Variants in PIAS1 observed in about 807,000 individuals in gnomAD.
The protein encoded by PIAS1 is E3 SUMO-protein ligase PIAS1.
A neutral mutation model predicts 71.3 loss-of-function variants in PIAS1; 6 were observed. The observed-to-expected ratio is 0.08, with a 90% CI of 0.05 to 0.17. The LOEUF (loss-of-function observed/expected upper bound fraction) is 0.17. Among genes scored for constraint, PIAS1 ranks in the 10% least tolerant of loss-of-function variants. PIAS1 has a pLI of 1.00. For synonymous variants in PIAS1, 303 were observed against 292.9 expected, an observed-to-expected ratio of 1.03 and a Z score of -0.35; for missense variants, 555 against 793.6, an observed-to-expected ratio of 0.70 and a Z score of 3.61.
chr15:68,064,560 T>TA (rs2091996023), intron 1 of PIAS1, among the ~76,000 whole-genome samples: 1 of 152,252 alleles, frequency 6.6e-6, no homozygotes, highest in Non-Finnish European at 1.5e-5. Flanking sequence ...TATTCATTGA[T>TA]ACGGTTTCAG....
intron 7 of PIAS1, among the ~76,000 whole-genome samples, chr15:68,157,767 C>G (rs771069428): frequency 6.6e-6 from 1 of 152,128 alleles, no homozygotes; most frequent in Non-Finnish European, 1.5e-5. Flanking sequence ...ACACCCACCC[C>G]AAAATACATG....
chr15:68,140,018 A>G (rs182177410), intron 2 of PIAS1, among the ~76,000 whole-genome samples: 120 of 152,292 alleles, frequency 7.9e-4, no homozygotes, highest in Non-Finnish European at 8.4e-4. Context: ...TGTAACAGCA[A>G]TTAAGCCCAA....
intron 2 of PIAS1, among the ~76,000 whole-genome samples, chr15:68,129,152 A>G (rs1370593663): frequency 6.6e-6 from 1 of 152,146 alleles, no homozygotes; most frequent in African/African-American, 2.4e-5. Context: ...ACCTCGAACT[A>G]CAGGGCTCAA....
chr15:68,100,685 G>T (rs916472327), intron 2 of PIAS1, among the ~76,000 whole-genome samples: 1 of 152,118 alleles, frequency 6.6e-6, no homozygotes, highest in African/African-American at 2.4e-5. Context: ...GTTATCAGTT[G>T]CTGGGCTGTA....
intron 2 of PIAS1, among the ~76,000 whole-genome samples, chr15:68,122,187 T>A (rs2092618912): frequency 6.6e-6 from 1 of 152,016 alleles, no homozygotes; most frequent in Admixed American, 6.6e-5. Flanking sequence ...CTTGGGCAAG[T>A]TGCTAGAAAA....
At chr15:68,155,764 C>G (rs1445984068) in intron 7 of PIAS1, among the ~76,000 whole-genome samples, 2 of 152,112 alleles carry the variant, frequency 1.3e-5, no homozygotes, top group Non-Finnish European at 2.9e-5. Context: ...GTAGAGTTGT[C>G]CCCTCACAAC....
intron 2 of PIAS1, among the ~76,000 whole-genome samples, chr15:68,118,995 C>T (rs2092589599): frequency 6.6e-6 from 1 of 151,786 alleles, no homozygotes; most frequent in Non-Finnish European, 1.5e-5. Context: ...ATCAAGAGAG[C>T]ACAACAACCT....
At chr15:68,101,764 C>A (rs2092429256) in intron 2 of PIAS1, among the ~76,000 whole-genome samples, 1 of 151,992 alleles carries the variant, frequency 6.6e-6, no homozygotes, top group African/African-American at 2.4e-5. Flanking sequence ...GCACACCCAC[C>A]CCACTTTTTT....
chr15:68,057,500 A>T (rs771403343), intron 1 of PIAS1: 148 of 445,198 alleles, frequency 3.3e-4, no homozygotes, highest in Non-Finnish European at 4.9e-4. Context: ...GGGAGAGAAG[A>T]AGTCCATCAG....
intron 11 of PIAS1, among the ~76,000 whole-genome samples, chr15:68,179,506 A>G (rs1194677830): frequency 6.8e-6 from 1 of 146,940 alleles, no homozygotes; most frequent in Non-Finnish European, 1.5e-5. Flanking sequence ...AATGTGGTAG[A>G]TGGTCATAAC....
chr15:68,112,241 G>C (rs2092529131), intron 2 of PIAS1, among the ~76,000 whole-genome samples: 1 of 152,064 alleles, frequency 6.6e-6, no homozygotes, highest in Non-Finnish European at 1.5e-5. Flanking sequence ...CAAGGATATT[G>C]CTTAGTAATT....
chr15:68,148,727 G>T (rs1052878797), intron 6 of PIAS1, among the ~76,000 whole-genome samples: 1 of 152,226 alleles, frequency 6.6e-6, no homozygotes, highest in Non-Finnish European at 1.5e-5. Context: ...TGCCTGGCCA[G>T]GATTTTCTCT....
At chr15:68,087,635 A>G (rs963312167) in intron 2 of PIAS1, among the ~76,000 whole-genome samples, 3 of 152,214 alleles carry the variant, frequency 2.0e-5, no homozygotes, top group African/African-American at 7.2e-5. Context: ...AAGAATGTGT[A>G]ACGGAGACCA....
intron 2 of PIAS1, among the ~76,000 whole-genome samples, chr15:68,132,475 TAA>T (rs575689596): frequency 6.9e-6 from 1 of 144,720 alleles, no homozygotes. Context: ...ACTCTGTCTC[TAA>T]AAAAAAAAGG....
chr15:68,095,204 A>T (rs2092363534), intron 2 of PIAS1, among the ~76,000 whole-genome samples: 1 of 152,150 alleles, frequency 6.6e-6, no homozygotes, highest in Non-Finnish European at 1.5e-5. Context: ...AACATTTAAG[A>T]TCTTACTGGG....
intron 1 of PIAS1, among the ~76,000 whole-genome samples, chr15:68,077,620 C>A (rs1297114570): frequency 6.6e-6 from 1 of 152,178 alleles, no homozygotes; most frequent in Non-Finnish European, 1.5e-5. Context: ...AGTAAAACTT[C>A]ATATATTAGA....
intron 2 of PIAS1, among the ~76,000 whole-genome samples, chr15:68,093,704 A>G (rs74020026): frequency 0.026 from 4,034 of 152,288 alleles, 178 homozygotes; most frequent in African/African-American, 0.091. Context: ...AAGGATTGGG[A>G]AAAGTAGAGA....
intron 2 of PIAS1, among the ~76,000 whole-genome samples, chr15:68,132,222 T>G (rs927939524): frequency 2.0e-5 from 3 of 152,090 alleles, no homozygotes; most frequent in Admixed American, 6.6e-5. Context: ...CTCACACCTG[T>G]AATCCCAGCA....
At position 68,189,777 on chromosome 15, in the gene PIAS1, C is replaced by A. The variant is rs951948359; in HGVS notation, c.*1942C>A. On this transcript the variant is annotated 3_prime_UTR_variant, in exon 14 of 14. Coordinates refer to ENST00000249636, the MANE Select transcript of PIAS1 (RefSeq NM_016166.3). Reference sequence around the variant, plus strand: ...AAACAATTTGCAATAAAAAAAAAACCAAAACAGATTGTCAGTTAACCAGGA... The same window carrying A: ...AAACAATTTGCAATAAAAAAAAAACAAAAACAGATTGTCAGTTAACCAGGA... 6.6e-6 allele frequency: 1 copy of A among 151,534 alleles called. No homozygotes were observed. The highest frequency in any genetic ancestry group is 6.6e-5 in the Admixed American group (1 of 15,218). The allele number at this position is 151,534 out of a possible 1,614,324, so 9.4% of individuals were successfully genotyped here. A position where few individuals can be genotyped will look rare whatever the true frequency, so the allele number is the denominator to read the frequency against.
Sources: allele counts gnomAD v4.1 joint callset (sites outside exome capture counted in the v4.1 genomes callset), GRCh38; gene constraint gnomAD v4.1.1; transcripts MANE v1.5; gene names NCBI Gene and HGNC (gene_info 2026-07-23, HGNC 2026-07-21).